The following MACROD2 variants were observed in gnomAD, a reference collection of about 807,000 sequenced individuals.
MACROD2 encodes the protein ADP-ribose glycohydrolase MACROD2.
MACROD2 carries 36 observed loss-of-function variants against 70.4 expected under a neutral mutation model. The observed-to-expected ratio is 0.51, with a 90% confidence interval of 0.39 to 0.68. The LOEUF (loss-of-function observed/expected upper bound fraction) is 0.68. Among genes scored for constraint, MACROD2 ranks in the 30% least tolerant of loss-of-function variants. The pLI, the probability that MACROD2 is intolerant of heterozygous loss-of-function variation, is 0.00. For synonymous variants in MACROD2, 172 were observed against 178.8 expected (o/e 0.96, Z 0.30); for missense variants, 496 against 538.4 (o/e 0.92, Z 0.78).
At chr20:14,972,256 A>G (rs968038153) in intron 5 of MACROD2, among the ~76,000 whole-genome samples, 1 of 152,188 alleles carries the variant, frequency 6.6e-6, no homozygotes, top group Non-Finnish European at 1.5e-5. Context: ...AAGAGAGTGG[A>G]GAAAGGCTTC....
At chr20:15,022,026 T>A (rs76764052) in intron 5 of MACROD2, among the ~76,000 whole-genome samples, 6,435 of 152,208 alleles carry the variant, frequency 0.042, 204 homozygotes, top group Non-Finnish European at 0.064. Flanking sequence ...AAAAAATACA[T>A]ACATTTATGT....
At chr20:15,575,845 C>T (rs1227846284) in intron 8 of MACROD2, among the ~76,000 whole-genome samples, 2 of 152,110 alleles carry the variant, frequency 1.3e-5, no homozygotes. Context: ...TTTCCGGCCA[C>T]GACTCCCTCC....
At chr20:14,332,572 T>A (rs920597840) in intron 3 of MACROD2, among the ~76,000 whole-genome samples, 4 of 152,310 alleles carry the variant, frequency 2.6e-5, no homozygotes, top group Non-Finnish European at 5.9e-5. Flanking sequence ...AGTCATTTTT[T>A]AAAAATATTA....
chr20:14,948,232 G>A (rs1427169203), intron 5 of MACROD2, among the ~76,000 whole-genome samples: 2 of 152,126 alleles, frequency 1.3e-5, no homozygotes, highest in East Asian at 1.9e-4. Context: ...AGGGTTTTGG[G>A]TAAGCTAAGC....
chr20:15,206,710 A>G (rs1163633697), intron 5 of MACROD2, among the ~76,000 whole-genome samples: 9 of 107,816 alleles, frequency 8.3e-5, no homozygotes, highest in Non-Finnish European at 1.7e-4. Flanking sequence ...GAAGTCTTTC[A>G]TATTATCTAT....
intron 5 of MACROD2, among the ~76,000 whole-genome samples, chr20:15,070,617 G>C (rs1209287390): frequency 2.6e-5 from 4 of 152,016 alleles, no homozygotes; most frequent in South Asian, 2.1e-4. Context: ...AAAAGAGCCT[G>C]GCACCTCCTC....
At chr20:15,875,727 A>G (rs1667258665) in intron 9 of MACROD2, among the ~76,000 whole-genome samples, 2 of 152,120 alleles carry the variant, frequency 1.3e-5, no homozygotes, top group South Asian at 4.2e-4. Context: ...ACCTGGGAAC[A>G]TGAGCCTTGG....
At chr20:14,724,603 C>A (rs1188334858) in intron 5 of MACROD2, among the ~76,000 whole-genome samples, 2 of 152,028 alleles carry the variant, frequency 1.3e-5, no homozygotes, top group African/African-American at 4.8e-5. Context: ...TAAGCTGGGG[C>A]TTTAAGAAGG....
chr20:14,613,163 A>C (rs1983274186), intron 4 of MACROD2, among the ~76,000 whole-genome samples: 1 of 152,080 alleles, frequency 6.6e-6, no homozygotes, highest in Non-Finnish European at 1.5e-5. Flanking sequence ...AAGAATCAGG[A>C]GTTTATGTTC....
chr20:15,299,393 C>T (rs547144322), intron 6 of MACROD2, among the ~76,000 whole-genome samples: 3 of 152,266 alleles, frequency 2.0e-5, no homozygotes, highest in East Asian at 3.9e-4. Flanking sequence ...ATCTTAAACA[C>T]AGAATAAACA....
chr20:15,226,853 T>C (rs923156788), intron 5 of MACROD2, among the ~76,000 whole-genome samples: 1 of 151,984 alleles, frequency 6.6e-6, no homozygotes, highest in Non-Finnish European at 1.5e-5. Flanking sequence ...CTGAAAATGA[T>C]GGGTTTATCT....
At chr20:14,501,136 TC>T (rs1199259307) in intron 4 of MACROD2, among the ~76,000 whole-genome samples, 1 of 152,068 alleles carries the variant, frequency 6.6e-6, no homozygotes, top group East Asian at 1.9e-4. Context: ...CATAGTATTA[TC>T]TTTTATTTTT....
Position 14,079,937 on chromosome 20 carries a change from G to A in MACROD2, c.164-5684G>A, listed in dbSNP as rs574298128. Among the ~76,000 whole-genome samples the A allele has an allele frequency of 6.6e-5, 10 of 152,198 alleles. No individual in the cohort carries two copies. In the South Asian group the frequency reaches 1.7e-3, roughly 25 times the overall value. The stretch of plus-strand genomic sequence containing the variant: ...CCTACCCCCAGTCTGTGGAAAAATT[G>A]TCATCCACAAAACTGGTCCGTTGAA... On this transcript the variant is annotated intron_variant, in intron 2 of 17. Transcript: ENST00000684519.
In MACROD2 at chr20:14,090,627, A is replaced by G. The variant is rs113295515; in HGVS notation, c.271+4899A>G. On this transcript the variant is annotated intron_variant, in intron 3 of 17. Transcript: ENST00000684519. The stretch of plus-strand genomic sequence containing the variant: ...GCCACCTTTGTATTTATATCCACCC[A>G]TCTGCCTCCCTTCCTGTTTTCCATC... Among the ~76,000 whole-genome samples the G allele has an allele frequency of 3.0e-4, 45 of 151,938 alleles. 1 individual carries two copies. Among genetic ancestry groups the G allele is most frequent in the African/African-American group, 9.9e-4 (41 of 41,478 alleles).
intron 2 of MACROD2, among the ~76,000 whole-genome samples, chr20:14,012,528 G>C (rs1219980924): frequency 6.6e-6 from 1 of 152,082 alleles, no homozygotes; most frequent in East Asian, 1.9e-4. Context: ...TGACTCTTAG[G>C]CTGGATTCAT....
chr20:15,903,177 GC>G (rs1465492065), intron 10 of MACROD2, among the ~76,000 whole-genome samples: 4 of 151,982 alleles, frequency 2.6e-5, no homozygotes, highest in African/African-American at 4.8e-5. Context: ...GGAGTTCGAG[GC>G]TAAAAATACA....
intron 3 of MACROD2, among the ~76,000 whole-genome samples, chr20:14,162,222 G>T (rs1008187715): frequency 3.3e-5 from 5 of 152,116 alleles, no homozygotes; most frequent in Admixed American, 6.6e-5. Flanking sequence ...TTTTGATGTG[G>T]TCTGAGAAAA....
chr20:15,930,232 A>C (rs996566812), intron 10 of MACROD2, among the ~76,000 whole-genome samples: 1 of 152,154 alleles, frequency 6.6e-6, no homozygotes, highest in Non-Finnish European at 1.5e-5. Context: ...CGATAGCTAG[A>C]CAGACAAGGC....
At chr20:14,498,740 G>T (rs1249463239) in intron 4 of MACROD2, among the ~76,000 whole-genome samples, 1 of 152,098 alleles carries the variant, frequency 6.6e-6, no homozygotes, top group Non-Finnish European at 1.5e-5. Context: ...GTGTTTAAAG[G>T]GCTTTTTGAG....
Sources: allele counts gnomAD v4.1 joint callset (sites outside exome capture counted in the v4.1 genomes callset), GRCh38; gene constraint gnomAD v4.1.1; transcripts MANE v1.5; gene names NCBI Gene and HGNC (gene_info 2026-07-23, HGNC 2026-07-21).